Variants in TNNI3K observed in about 807,000 individuals in gnomAD.
The protein encoded by TNNI3K is serine/threonine-protein kinase TNNI3K.
In TNNI3K, 140 loss-of-function variants were observed where a neutral mutation model predicts 114.5. That is an observed-to-expected ratio of 1.22 (90% CI 1.07 to 1.41). TNNI3K has a LOEUF of 1.41. Ranked by LOEUF, TNNI3K falls within the 40% of genes most tolerant of loss-of-function variation. The pLI is 0.00. For missense variants in TNNI3K, 1,125 were observed against 1,007.6 expected (o/e 1.12, Z -1.58); for synonymous variants, 347 against 347.5 (o/e 1.00, Z 0.02).
rs1456290046 is a variant in TNNI3K at position 74,443,251 on chromosome 1, A to G, written c.2011+3629A>G. Among the ~76,000 whole-genome samples, 10 of 152,094 alleles carry G rather than the reference A, an allele frequency of 6.6e-5. No individual in the cohort carries two copies. In the East Asian group the frequency reaches 1.9e-3, roughly 29 times the overall value. ...GGTTTTTTGAAAAAATTAATAAAAT[A>G]GATACACCGCTAGCTAGACCAATAA... is the stretch of plus-strand genomic sequence containing the variant. On this transcript the variant is annotated intron_variant, in intron 20 of 24. Coordinates refer to ENST00000326637, the MANE Select transcript of TNNI3K (RefSeq NM_015978.3).
chr1:74,289,945 T>A (rs1245628861), intron 5 of TNNI3K, among the ~76,000 whole-genome samples: 2 of 151,878 alleles, frequency 1.3e-5, no homozygotes, highest in Non-Finnish European at 3.0e-5. Flanking sequence ...CATAGCTCCT[T>A]GAAAATCTAG....
chr1:74,420,085 C>T (rs1195953787), intron 17 of TNNI3K, among the ~76,000 whole-genome samples: 1 of 151,748 alleles, frequency 6.6e-6, no homozygotes, highest in African/African-American at 2.4e-5. Flanking sequence ...CACTTTGATT[C>T]CTTAGTATAT....
intron 20 of TNNI3K, among the ~76,000 whole-genome samples, chr1:74,458,505 T>C (rs72969848): frequency 0.028 from 4,250 of 152,244 alleles, 179 homozygotes; most frequent in African/African-American, 0.097. Flanking sequence ...ATTGATTAAA[T>C]TTGCCACTAG....
Position 74,367,178 on chromosome 1 carries a change from T to C in TNNI3K, c.1178-78T>C, listed in dbSNP as rs1162447294. ...GTCCTATGTTGTAAGCTACTTCCAA[T>C]AATTTTTGGATTTGAGAGTAGACTG... On this transcript the variant is annotated intron_variant, in intron 11 of 24. Transcript: ENST00000326637. 4.2e-6 allele frequency: 6 copies of C among 1,432,760 alleles called. No individual in the cohort carries two copies. The African/African-American group carries it at 8.6e-5, about 20-fold the overall frequency. 88.8% of individuals were successfully genotyped at this position (1,432,760 alleles called of 1,614,324 possible). A position where few individuals can be genotyped will look rare whatever the true frequency, so the allele number is the denominator to read the frequency against.
In TNNI3K at chr1:74,299,751, T is replaced by A. The variant is rs375287706; in HGVS notation, c.444+28043T>A. ...GTATGTAGAAAAATACTAGCAGTTT[T>A]ATGTGGCTGGACCTTGAAGTTTAAC... On this transcript the variant is annotated intron_variant, in intron 5 of 24. Transcript: ENST00000326637. Among the ~76,000 whole-genome samples, 21 of 152,144 alleles carry A rather than the reference T, an allele frequency of 1.4e-4. 1 individual carries two copies. In the East Asian group the frequency reaches 2.7e-3, roughly 20 times the overall value.
chr1:74,516,301 C>G (rs1646347436), intron 23 of TNNI3K, among the ~76,000 whole-genome samples: 2 of 152,090 alleles, frequency 1.3e-5, no homozygotes, highest in Non-Finnish European at 1.5e-5. Flanking sequence ...TCACTATTTA[C>G]TTGGATGGGG....
chr1:74,271,589 T>C lies in TNNI3K; in HGVS notation c.334-9T>C. Reference sequence around the variant, plus strand: ...AGAAAAGTAACACTAAAGATATGTTTCCTTACAGGATAATGCAGAATTGAT... The same window carrying C: ...AGAAAAGTAACACTAAAGATATGTTCCCTTACAGGATAATGCAGAATTGAT... On this transcript the variant is annotated splice_polypyrimidine_tract_variant and intron_variant, in intron 4 of 24. Transcript: ENST00000326637. 6.3e-7 allele frequency: 1 copy of C among 1,588,436 alleles called. No homozygotes were observed. Among genetic ancestry groups the C allele is most frequent in the Non-Finnish European group, 8.6e-7 (1 of 1,166,234 alleles).
chr1:74,424,204 G>A (rs1360249562), intron 17 of TNNI3K, among the ~76,000 whole-genome samples: 5 of 152,086 alleles, frequency 3.3e-5, no homozygotes, highest in African/African-American at 7.2e-5. Flanking sequence ...TTCACTAAGA[G>A]AAAAGAAACA....
At chr1:74,236,793 A>C (rs1653883928) in intron 2 of TNNI3K, among the ~76,000 whole-genome samples, 1 of 151,862 alleles carries the variant, frequency 6.6e-6, no homozygotes, top group African/African-American at 2.4e-5. Context: ...ACCTTGGAAG[A>C]CACAAAATGT....
At chr1:74,540,144 G>C in intron 23 of TNNI3K, 90 bp from the exon 24 acceptor site, 1 of 1,356,766 alleles carries the variant, frequency 7.4e-7, no homozygotes, top group Non-Finnish European at 1.0e-6. Context: ...CATTTCTCTG[G>C]GATCTATGTT....
intron 17 of TNNI3K, among the ~76,000 whole-genome samples, chr1:74,414,498 G>A (rs1665028379): frequency 6.6e-6 from 1 of 152,146 alleles, no homozygotes; most frequent in South Asian, 2.1e-4. Context: ...TTAAATTGTT[G>A]TGCTTCTCTT....
intron 5 of TNNI3K, among the ~76,000 whole-genome samples, chr1:74,290,677 A>T (rs937877149): frequency 5.5e-4 from 84 of 151,908 alleles, no homozygotes; most frequent in African/African-American, 1.9e-3. Context: ...ATGTTATTTA[A>T]GCTTTGTTGT....
intron 17 of TNNI3K, among the ~76,000 whole-genome samples, chr1:74,393,419 G>C (rs985472353): frequency 6.6e-6 from 1 of 152,074 alleles, no homozygotes; most frequent in African/African-American, 2.4e-5. Context: ...TCAAAAGAAC[G>C]TGAGCTTACT....
At chr1:74,263,086 G>A (rs2100875363) in intron 4 of TNNI3K, among the ~76,000 whole-genome samples, 1 of 152,174 alleles carries the variant, frequency 6.6e-6, no homozygotes, top group South Asian at 2.1e-4. Flanking sequence ...TTTGAGATAT[G>A]AGAGAGTGGC....
At chr1:74,267,385 T>C (rs1177546172) in intron 4 of TNNI3K, among the ~76,000 whole-genome samples, 5 of 151,882 alleles carry the variant, frequency 3.3e-5, no homozygotes, top group Non-Finnish European at 7.4e-5. Flanking sequence ...TCCTTGAGAC[T>C]CGATCAGGAA....
chr1:74,280,713 A>G (rs569330818), intron 5 of TNNI3K, among the ~76,000 whole-genome samples: 6 of 152,190 alleles, frequency 3.9e-5, no homozygotes, highest in Non-Finnish European at 8.8e-5. Flanking sequence ...TTGGTTGACT[A>G]CAGTGCTGGG....
intron 17 of TNNI3K, among the ~76,000 whole-genome samples, chr1:74,401,538 A>G (rs1664362626): frequency 6.6e-6 from 1 of 152,202 alleles, no homozygotes; most frequent in South Asian, 2.1e-4. Flanking sequence ...AAGCTAAATA[A>G]TCCATACTCC....
chr1:74,300,654 A>C (rs1329452930), intron 5 of TNNI3K, among the ~76,000 whole-genome samples: 1 of 152,228 alleles, frequency 6.6e-6, no homozygotes, highest in African/African-American at 2.4e-5. Context: ...GAGCAGAATT[A>C]TTCACAATTC....
chr1:74,318,473 T>C (rs1659437526), intron 5 of TNNI3K, among the ~76,000 whole-genome samples: 1 of 152,186 alleles, frequency 6.6e-6, no homozygotes, highest in African/African-American at 2.4e-5. Context: ...CACTTCGAAT[T>C]AGATTTTAAG....
Sources: allele counts gnomAD v4.1 joint callset (sites outside exome capture counted in the v4.1 genomes callset), GRCh38; gene constraint gnomAD v4.1.1; transcripts MANE v1.5; gene names NCBI Gene and HGNC (gene_info 2026-07-23, HGNC 2026-07-21).